Variants in NAALADL2 observed in about 807,000 individuals in gnomAD.
The protein encoded by NAALADL2 is inactive N-acetylated-alpha-linked acidic dipeptidase-like protein 2.
Under a neutral mutation model 87.2 loss-of-function variants are expected in NAALADL2, and 76 were observed. That is an observed-to-expected ratio of 0.87 (90% CI 0.72 to 1.05). The LOEUF is 1.05. NAALADL2 is among the 50% of genes least tolerant of loss of function. NAALADL2 has a pLI of 0.00. For missense variants in NAALADL2, 1,089 were observed against 945.8 expected (o/e 1.15, Z -1.99); for synonymous variants, 354 against 331.0 (o/e 1.07, Z -0.75).
chr3:174,736,971 C>T (rs909926898), intron 2 of NAALADL2, among the ~76,000 whole-genome samples: 4 of 152,176 alleles, frequency 2.6e-5, no homozygotes, highest in East Asian at 3.9e-4. Flanking sequence ...TGCGCACACC[C>T]AGCCAGGTTG....
intron 11 of NAALADL2, among the ~76,000 whole-genome samples, chr3:175,691,463 A>C (rs1737036892): frequency 6.6e-6 from 1 of 151,752 alleles, no homozygotes; most frequent in Admixed American, 6.6e-5. Context: ...TGAAACTATT[A>C]ATTTGGTACC....
intron 9 of NAALADL2, among the ~76,000 whole-genome samples, chr3:175,528,497 G>T (rs573294446): frequency 1.3e-5 from 2 of 151,524 alleles, no homozygotes; most frequent in African/African-American, 4.8e-5. Context: ...TTCTTTGGTA[G>T]CACCCTCTCA....
chr3:175,763,320 C>T (rs1273590466), intron 13 of NAALADL2, among the ~76,000 whole-genome samples: 1 of 151,950 alleles, frequency 6.6e-6, no homozygotes, highest in Non-Finnish European at 1.5e-5. Context: ...TGGCATCAAC[C>T]ATTTTGTGGT....
intron 1 of NAALADL2, among the ~76,000 whole-genome samples, chr3:175,090,747 C>T (rs1176885276): frequency 6.6e-6 from 1 of 152,048 alleles, no homozygotes; most frequent in Non-Finnish European, 1.5e-5. Context: ...CAGTGTACTA[C>T]TCATTTTAGA....
rs185460668 is a variant in NAALADL2, at chr3:175,156,446, T to C, written c.545+59155T>C. Among the ~76,000 whole-genome samples the C allele has an allele frequency of 2.6e-3, 403 of 152,286 alleles. 2 individuals are homozygous for C. The highest frequency in any genetic ancestry group is 9.2e-3 in the African/African-American group (382 of 41,582). ...TCCTTATGTGATCAATGATTGATTA[T>C]GCTTATTATTTCCTACATTGCTTTT... On this transcript the variant is annotated intron_variant, in intron 2 of 13. Coordinates refer to ENST00000454872, the MANE Select transcript of NAALADL2 (RefSeq NM_207015.3).
chr3:175,513,928 A>G (rs939924096), intron 9 of NAALADL2, among the ~76,000 whole-genome samples: 1 of 152,254 alleles, frequency 6.6e-6, no homozygotes, highest in Non-Finnish European at 1.5e-5. Flanking sequence ...AAAAATGTAA[A>G]TATGGGAGAC....
chr3:174,522,481 A>G (rs1720363578), intron 1 of NAALADL2, among the ~76,000 whole-genome samples: 1 of 151,804 alleles, frequency 6.6e-6, no homozygotes, highest in Non-Finnish European at 1.5e-5. Flanking sequence ...GATAACATAG[A>G]CTTCATCTCT....
chr3:175,330,850 C>T (rs1398802450), intron 5 of NAALADL2, among the ~76,000 whole-genome samples: 1 of 151,802 alleles, frequency 6.6e-6, no homozygotes, highest in Non-Finnish European at 1.5e-5. Context: ...AAATACAAAA[C>T]AGCAATAAAC....
intron 3 of NAALADL2, among the ~76,000 whole-genome samples, chr3:174,841,438 G>A (rs1387605793): frequency 2.6e-5 from 4 of 152,188 alleles, no homozygotes; most frequent in Admixed American, 6.5e-5. Context: ...GCTGTTAAAT[G>A]TTGTTTTCGT....
intron 4 of NAALADL2, among the ~76,000 whole-genome samples, chr3:175,287,761 A>T (rs1407530846): frequency 2.0e-5 from 3 of 152,200 alleles, no homozygotes; most frequent in Non-Finnish European, 2.9e-5. Context: ...AATGGAATGG[A>T]TACATTTGCC....
At chr3:175,687,763 T>G (rs1052471239) in intron 11 of NAALADL2, among the ~76,000 whole-genome samples, 3 of 152,114 alleles carry the variant, frequency 2.0e-5, no homozygotes, top group African/African-American at 7.2e-5. Flanking sequence ...GCCGTCCTTG[T>G]GATAGTGAGT....
chr3:175,226,242 T>C (rs1031603859), intron 2 of NAALADL2, among the ~76,000 whole-genome samples: 5 of 152,290 alleles, frequency 3.3e-5, no homozygotes, highest in Middle Eastern at 3.4e-3. Flanking sequence ...AAACAGAATG[T>C]ATAAAGAATC....
chr3:175,003,107 A>C (rs758890297), intron 1 of NAALADL2, among the ~76,000 whole-genome samples: 2 of 152,174 alleles, frequency 1.3e-5, no homozygotes, highest in Non-Finnish European at 2.9e-5. Flanking sequence ...ACCTCTTGAC[A>C]CTTTTCTGCT....
chr3:175,716,610 C>T (rs1438782105), intron 11 of NAALADL2, among the ~76,000 whole-genome samples: 2 of 151,694 alleles, frequency 1.3e-5, no homozygotes, highest in Non-Finnish European at 2.9e-5. Flanking sequence ...TTCATATAGG[C>T]CAAAAAAGTC....
chr3:175,155,918 AG>A (rs1373979458), intron 2 of NAALADL2, among the ~76,000 whole-genome samples: 2 of 152,200 alleles, frequency 1.3e-5, no homozygotes, highest in Non-Finnish European at 2.9e-5. Context: ...ATGCAGATAA[AG>A]CACTGAGAAA....
At chr3:175,472,762 T>A (rs1318772053) in intron 9 of NAALADL2, among the ~76,000 whole-genome samples, 1 of 152,172 alleles carries the variant, frequency 6.6e-6, no homozygotes, top group Admixed American at 6.6e-5. Flanking sequence ...AGTAGATAAT[T>A]CTGTACATTT....
At chr3:175,109,122 A>T (rs1176214324) in intron 2 of NAALADL2, among the ~76,000 whole-genome samples, 5 of 151,918 alleles carry the variant, frequency 3.3e-5, no homozygotes, top group African/African-American at 1.2e-4. Flanking sequence ...AAAATCGCAT[A>T]CAAACATAAG....
chr3:174,555,522 A>G (rs573307512), intron 2 of NAALADL2, among the ~76,000 whole-genome samples: 1 of 151,040 alleles, frequency 6.6e-6, no homozygotes, highest in South Asian at 2.1e-4. Flanking sequence ...CTGATTTCCA[A>G]CTCCTGACCT....
intron 2 of NAALADL2, among the ~76,000 whole-genome samples, chr3:174,696,065 C>G (rs1418785950): frequency 1.3e-5 from 2 of 151,972 alleles, no homozygotes; most frequent in South Asian, 2.1e-4. Flanking sequence ...TTAACCCAAT[C>G]CCGATAATCA....
Sources: gnomAD v4.1 joint callset for allele counts (sites outside exome capture counted in the v4.1 genomes callset) on GRCh38, gnomAD v4.1.1 for gene constraint, MANE v1.5 for transcripts, NCBI Gene and HGNC (gene_info 2026-07-23, HGNC 2026-07-21) for gene names.